HORMAD2: variants seen among roughly 807,000 people sequenced by gnomAD.
HORMAD2 encodes HORMA domain containing 2, also known as HORMA domain-containing protein 2.
A neutral mutation model predicts 38.8 loss-of-function variants in HORMAD2; 45 were observed. That is an observed-to-expected ratio of 1.16 (90% CI 0.91 to 1.49). The LOEUF (loss-of-function observed/expected upper bound fraction) is 1.49, where lower values mean the gene tolerates loss of function less well. Among genes scored for constraint, HORMAD2 ranks in the 40% most tolerant of loss-of-function variants. The pLI is 0.00. For synonymous variants in HORMAD2, 126 were observed against 122.8 expected (o/e 1.03, Z -0.17); for missense variants, 338 against 367.0 (o/e 0.92, Z 0.65).
intron 10 of HORMAD2, among the ~76,000 whole-genome samples, chr22:30,144,484 G>A (rs999296408): frequency 6.6e-6 from 1 of 152,208 alleles, no homozygotes; most frequent in Non-Finnish European, 1.5e-5. Context: ...TAAAGTCACT[G>A]TCTTTGGAAA....
At chr22:30,200,962 C>T in the HORMAD2 span, among the ~76,000 whole-genome samples, 1 of 151,972 alleles carries the variant, frequency 6.6e-6, no homozygotes, top group African/African-American at 2.4e-5. Context: ...GTTGACCAGG[C>T]TGATCTCGAA....
rs571559695 is a variant in HORMAD2, at chr22:30,159,238, A to AAGG, written c.820-16825_820-16824insAGG. Among the ~76,000 whole-genome samples, 26 of 152,316 alleles carry AAGG rather than the reference A, an allele frequency of 1.7e-4. No homozygotes were observed. In the East Asian group the frequency reaches 4.0e-3, roughly 24 times the overall value. On this transcript the variant is annotated intron_variant, in intron 10 of 10. Coordinates refer to ENST00000336726, the MANE Select transcript of HORMAD2 (RefSeq NM_152510.4). ...AAAATGTACCATATGCCCTGCCATAATACTGTTTCACTCTGCTCTCTGGCC... is the reference window on the plus strand; with the variant it reads ...AAAATGTACCATATGCCCTGCCATAAAGGTACTGTTTCACTCTGCTCTCTGGCC...
chr22:30,152,229 G>A (rs367668235), intron 10 of HORMAD2, among the ~76,000 whole-genome samples: 19 of 151,740 alleles, frequency 1.3e-4, no homozygotes, highest in African/African-American at 3.4e-4. Flanking sequence ...AAACAGTCTC[G>A]CTCTGTTGCC....
chr22:30,196,226 C>T, the HORMAD2 span, among the ~76,000 whole-genome samples: 1 of 152,206 alleles, frequency 6.6e-6, no homozygotes, highest in African/African-American at 2.4e-5. Flanking sequence ...GTTTCCAAAC[C>T]TATAACCCCT....
intron 10 of HORMAD2, among the ~76,000 whole-genome samples, chr22:30,170,285 C>CA (rs1491502334): frequency 6.6e-6 from 1 of 152,204 alleles, no homozygotes; most frequent in African/African-American, 2.4e-5. Flanking sequence ...GCACACAACT[C>CA]ACTGTATTTC....
At chr22:30,199,186 A>C in the HORMAD2 span, among the ~76,000 whole-genome samples, 5 of 152,254 alleles carry the variant, frequency 3.3e-5, no homozygotes, top group African/African-American at 1.2e-4. Flanking sequence ...ACCCCCTCTC[A>C]GAGAACGCAG....
chr22:30,206,469 T>G, the HORMAD2 span, among the ~76,000 whole-genome samples: 12 of 150,562 alleles, frequency 8.0e-5, no homozygotes, highest in Admixed American at 7.9e-4. Context: ...GTTTTATTTT[T>G]TGTTTTGTTT....
intron 10 of HORMAD2, among the ~76,000 whole-genome samples, chr22:30,147,815 A>C (rs1425120477): frequency 6.6e-6 from 1 of 152,190 alleles, no homozygotes; most frequent in African/African-American, 2.4e-5. Context: ...TCACAGGAAA[A>C]TATGTATTAA....
chr22:30,180,032 G>A (rs1040818817), downstream of HORMAD2, among the ~76,000 whole-genome samples: 4 of 151,996 alleles, frequency 2.6e-5, no homozygotes, highest in African/African-American at 7.3e-5. Context: ...AGAACTACAG[G>A]TACATGCCAC....
intron 10 of HORMAD2, among the ~76,000 whole-genome samples, chr22:30,153,266 G>A (rs1924868517): frequency 6.6e-6 from 1 of 151,736 alleles, no homozygotes; most frequent in Non-Finnish European, 1.5e-5. Flanking sequence ...CAGCCTTGAG[G>A]CTCTCCCACA....
At chr22:30,153,161 G>T (rs150938663) in intron 10 of HORMAD2, among the ~76,000 whole-genome samples, 2 of 151,904 alleles carry the variant, frequency 1.3e-5, no homozygotes, top group East Asian at 3.9e-4. Flanking sequence ...ATTTAGTCAA[G>T]TATCAGAATT....
intron 10 of HORMAD2, among the ~76,000 whole-genome samples, chr22:30,164,184 TTATC>T (rs1222414138): frequency 6.6e-6 from 1 of 152,206 alleles, no homozygotes; most frequent in African/African-American, 2.4e-5. Flanking sequence ...CATATTTTGT[TTATC>T]CATTCATCTA....
intron 6 of HORMAD2, among the ~76,000 whole-genome samples, chr22:30,112,105 G>A (rs906069576): frequency 2.0e-5 from 3 of 151,410 alleles, no homozygotes; most frequent in African/African-American, 4.8e-5. Context: ...TTTTGTTTTT[G>A]AAGTTTGGTA....
intron 10 of HORMAD2, chr22:30,137,350 A>T: frequency 8.0e-6 from 4 of 499,132 alleles, no homozygotes; most frequent in South Asian, 4.7e-5. Flanking sequence ...TATACTGAAC[A>T]TAGCAGGTGC....
chr22:30,084,909 G>A (rs920637181), intron 1 of HORMAD2, among the ~76,000 whole-genome samples: 2 of 152,126 alleles, frequency 1.3e-5, no homozygotes, highest in East Asian at 1.9e-4. Context: ...AATTTGGGAG[G>A]CCGAGGCGGG....
At chr22:30,113,100 C>T (rs1416949966) in intron 7 of HORMAD2, among the ~76,000 whole-genome samples, 2 of 152,050 alleles carry the variant, frequency 1.3e-5, no homozygotes, top group African/African-American at 4.8e-5. Flanking sequence ...ATGTTCATAT[C>T]TTATATGTAA....
At chr22:30,123,854 G>C (rs1922634233) in intron 10 of HORMAD2, among the ~76,000 whole-genome samples, 2 of 151,206 alleles carry the variant, frequency 1.3e-5, no homozygotes, top group South Asian at 4.2e-4. Context: ...ATTTTTTTTA[G>C]AGACAGGGTC....
intron 10 of HORMAD2, among the ~76,000 whole-genome samples, chr22:30,143,169 C>G (rs1008524164): frequency 6.6e-6 from 1 of 152,010 alleles, no homozygotes; most frequent in Non-Finnish European, 1.5e-5. Flanking sequence ...TTTTACACAA[C>G]TTACTATATA....
At chr22:30,170,262 A>G (rs1357130735) in intron 10 of HORMAD2, among the ~76,000 whole-genome samples, 1 of 152,158 alleles carries the variant, frequency 6.6e-6, no homozygotes, top group Non-Finnish European at 1.5e-5. Context: ...AAAATTCACT[A>G]CACTCACCCC....
Sources: gnomAD v4.1 joint callset for allele counts (sites outside exome capture counted in the v4.1 genomes callset) on GRCh38, gnomAD v4.1.1 for gene constraint, MANE v1.5 for transcripts, NCBI Gene and HGNC (gene_info 2026-07-23, HGNC 2026-07-21) for gene names.